The following TAS1R2 variants were observed in gnomAD, a reference collection of about 807,000 sequenced individuals.
TAS1R2 encodes taste receptor type 1 member 2.
In TAS1R2, 47 loss-of-function variants were observed where a neutral mutation model predicts 49.3. The observed-to-expected ratio is 0.95, with a 90% confidence interval of 0.75 to 1.22. TAS1R2 has a LOEUF of 1.22. Among genes scored for constraint, TAS1R2 ranks in the 50% most tolerant of loss-of-function variants. TAS1R2 has a pLI of 0.00. For synonymous variants in TAS1R2, 479 were observed against 467.9 expected, an observed-to-expected ratio of 1.02 and a Z score of -0.31; for missense variants, 1,155 against 1,122.1, an observed-to-expected ratio of 1.03 and a Z score of -0.42.
chr1:18,850,272 G>A (rs1327330801), intron 3 of TAS1R2, among the ~76,000 whole-genome samples: 4 of 152,220 alleles, frequency 2.6e-5, no homozygotes, highest in South Asian at 2.1e-4. Flanking sequence ...CTGGGCTAAC[G>A]CTGAAAGGAC....
intron 3 of TAS1R2, among the ~76,000 whole-genome samples, chr1:18,852,632 C>A (rs188179921): frequency 1.8e-4 from 27 of 152,272 alleles, no homozygotes; most frequent in African/African-American, 6.0e-4. Context: ...TAGACAAAGC[C>A]GCCTCTCCTT....
chr1:18,840,240 C>A (rs1280603574), exon 6 of TAS1R2: 4 of 1,613,886 alleles, frequency 2.5e-6, no homozygotes, highest in Admixed American at 1.7e-5. Context: ...CAGGTGGAGA[C>A]CTTGGGCGGC....
intron 4 of TAS1R2, among the ~76,000 whole-genome samples, chr1:18,848,034 C>T (rs1396429835): frequency 2.0e-5 from 3 of 152,176 alleles, no homozygotes; most frequent in Non-Finnish European, 4.4e-5. Context: ...CCTCATGATT[C>T]AATTATCTCA....
exon 6 of TAS1R2, chr1:18,839,861 G>C: frequency 6.2e-7 from 1 of 1,614,214 alleles, no homozygotes; most frequent in South Asian, 1.1e-5. Flanking sequence ...GTAGTTGGTG[G>C]GCAGCTCTTT....
chr1:18,852,016 G>A, intron 3 of TAS1R2, among the ~76,000 whole-genome samples: 1 of 152,354 alleles, frequency 6.6e-6, no homozygotes, highest in East Asian at 1.9e-4. Flanking sequence ...CGGCACATAA[G>A]TGCCCATTCA....
chr1:18,853,177 T>C (rs1286934705), intron 3 of TAS1R2, among the ~76,000 whole-genome samples: 1 of 152,180 alleles, frequency 6.6e-6, no homozygotes, highest in African/African-American at 2.4e-5. Flanking sequence ...TTCCTGCCCC[T>C]CAGCTTTTCT....
intron 4 of TAS1R2, among the ~76,000 whole-genome samples, chr1:18,844,856 T>C (rs1316705774): frequency 1.3e-5 from 2 of 152,228 alleles, no homozygotes; most frequent in East Asian, 1.9e-4. Flanking sequence ...GTGGCCATGA[T>C]GTCAGGGATG....
intron 3 of TAS1R2, among the ~76,000 whole-genome samples, chr1:18,852,516 C>A: frequency 6.6e-6 from 1 of 152,324 alleles, no homozygotes; most frequent in South Asian, 2.1e-4. Flanking sequence ...GTGGGCTGGG[C>A]TCCCTGCCTC....
intron 4 of TAS1R2, among the ~76,000 whole-genome samples, chr1:18,845,847 C>A (rs4073538): frequency 0.26 from 40,281 of 152,098 alleles, 5,646 homozygotes; most frequent in East Asian, 0.53. Flanking sequence ...GATCACCCCC[C>A]AGGCAAGTGA....
intron 3 of TAS1R2, 93 bp from the exon 4 acceptor site, chr1:18,849,643 G>C: frequency 7.1e-7 from 1 of 1,405,178 alleles, no homozygotes; most frequent in Non-Finnish European, 9.9e-7. Context: ...CATTCCATTA[G>C]CCTTGATTTC....
intron 5 of TAS1R2, among the ~76,000 whole-genome samples, chr1:18,841,460 G>A (rs1933822223): frequency 6.6e-6 from 1 of 152,220 alleles, no homozygotes. Context: ...TGTGTGTGTG[G>A]AGTGGGATCA....
At chr1:18,852,237 C>T (rs534691844) in intron 3 of TAS1R2, among the ~76,000 whole-genome samples, 2 of 152,142 alleles carry the variant, frequency 1.3e-5, no homozygotes, top group Non-Finnish European at 2.9e-5. Flanking sequence ...CGTGGTGTGA[C>T]CCAGCAAGGA....
At chr1:18,859,352 T>TTCA (rs1307726234) in intron 1 of TAS1R2, 127 bp downstream of exon 1, 2 of 1,160,410 alleles carry the variant, frequency 1.7e-6, no homozygotes, top group Non-Finnish European at 2.5e-6. Flanking sequence ...AATAAGGGGG[T>TTCA]TGGCAATGAA....
chr1:18,859,528 T>A, exon 1 of TAS1R2: 2 of 1,614,080 alleles, frequency 1.2e-6, no homozygotes, highest in Non-Finnish European at 1.7e-6. Flanking sequence ...ATGCCCTTCA[T>A]GTTGGCATGG....
exon 2 of TAS1R2, chr1:18,857,375 C>A (rs1238767093): frequency 1.2e-6 from 2 of 1,614,088 alleles, no homozygotes; most frequent in Non-Finnish European, 1.7e-6. Flanking sequence ...ACAGTCATGA[C>A]AGACTCGGAG....
At chr1:18,845,805 A>G (rs1225341136) in intron 4 of TAS1R2, among the ~76,000 whole-genome samples, 2 of 152,192 alleles carry the variant, frequency 1.3e-5, no homozygotes, top group Non-Finnish European at 2.9e-5. Context: ...CAAGGCAACT[A>G]AGGGCCCAGA....
At chr1:18,840,164 G>T (rs1318568546) in exon 6 of TAS1R2, 1 of 1,614,266 alleles carries the variant, frequency 6.2e-7, no homozygotes. Context: ...GATCTGGAAA[G>T]AACGCACGGC....
At chr1:18,843,623 A>C (rs558110718) in intron 4 of TAS1R2, among the ~76,000 whole-genome samples, 1 of 152,242 alleles carries the variant, frequency 6.6e-6, no homozygotes, top group Non-Finnish European at 1.5e-5. Flanking sequence ...CGATCCTGCC[A>C]CTGGGGCCAC....
chr1:18,848,338 G>A (rs959265342), intron 4 of TAS1R2, among the ~76,000 whole-genome samples: 3 of 152,032 alleles, frequency 2.0e-5, no homozygotes, highest in African/African-American at 7.3e-5. Context: ...TTAGCACCAG[G>A]CCTGGCACAC....
Sources: gnomAD v4.1 joint callset for allele counts (sites outside exome capture counted in the v4.1 genomes callset) on GRCh38, gnomAD v4.1.1 for gene constraint, MANE v1.5 for transcripts, NCBI Gene and HGNC (gene_info 2026-07-23, HGNC 2026-07-21) for gene names.